Variants in TENM1 observed in about 807,000 individuals in gnomAD.
TENM1 encodes teneurin-1.
In TENM1, 35 loss-of-function variants were observed where a neutral mutation model predicts 174.8. That is an observed-to-expected ratio of 0.20 (90% CI 0.15 to 0.27). The LOEUF (loss-of-function observed/expected upper bound fraction) is 0.27. Ranked by LOEUF, TENM1 falls within the 10% of genes least tolerant of loss-of-function variation. The pLI, the probability that TENM1 is intolerant of heterozygous loss-of-function variation, is 1.00. For missense variants in TENM1, 1,633 were observed against 2,130.1 expected (o/e 0.77, Z 4.59); for synonymous variants, 781 against 798.7 (o/e 0.98, Z 0.37).
intron 1 of TENM1, among the ~76,000 whole-genome samples, chrX:124,959,099 G>GC (rs1463273280): frequency 9.0e-6 from 1 of 111,396 alleles, no homozygotes; most frequent in East Asian, 2.8e-4. Context: ...CTTGGTTGAT[G>GC]CAAGATTCAA....
intron 1 of TENM1, among the ~76,000 whole-genome samples, chrX:124,958,580 C>T (rs1230935326): frequency 9.0e-6 from 1 of 111,373 alleles, no homozygotes; most frequent in African/African-American, 3.3e-5. Flanking sequence ...GCATTCAATA[C>T]TTATCACAAC....
At chrX:125,040,724 A>G in the TENM1 span, among the ~76,000 whole-genome samples, 177 of 110,988 alleles carry the variant, frequency 1.6e-3, no homozygotes, top group African/African-American at 5.5e-3. Context: ...GCACAATAAC[A>G]TTTCTCTTTG....
At chrX:124,904,491 G>C (rs757684892) in intron 1 of TENM1, among the ~76,000 whole-genome samples, 4 of 112,260 alleles carry the variant, frequency 3.6e-5, no homozygotes, top group Non-Finnish European at 5.6e-5. Context: ...AGGTGGTTTA[G>C]CTTAACATAA....
the TENM1 span, among the ~76,000 whole-genome samples, chrX:125,064,538 A>T: frequency 6.4e-4 from 72 of 111,779 alleles, no homozygotes; most frequent in Non-Finnish European, 1.3e-3. Flanking sequence ...AGGGGATAAG[A>T]TGATGTTGAA....
chrX:124,796,825 A>G (rs186304970), intron 3 of TENM1, among the ~76,000 whole-genome samples: 133 of 111,582 alleles, frequency 1.2e-3, no homozygotes, highest in African/African-American at 4.2e-3. Context: ...CCTCTTTATG[A>G]AAAAAAGAGA....
At chrX:125,089,897 T>C in the TENM1 span, among the ~76,000 whole-genome samples, 1 of 111,340 alleles carries the variant, frequency 9.0e-6, no homozygotes, top group Non-Finnish European at 1.9e-5. Context: ...AGGTGCCAGA[T>C]AGAAAATTTA....
rs150798929 is a variant in TENM1, at chrX:124,659,645, T to C, written c.1169-5862A>G. Among the ~76,000 whole-genome samples, 459 of 111,103 alleles carry C rather than the reference T, an allele frequency of 4.1e-3. 3 individuals are homozygous for C. The highest frequency in any genetic ancestry group is 0.026 in the South Asian group (68 of 2,608). On this transcript the variant is annotated intron_variant, in intron 6 of 31. Transcript: ENST00000422452. ...AGACAAGCTGATGCTAAAATTAATA[T>C]GGAAATGCAAGGGACTCAGAATAAC...
the TENM1 span, among the ~76,000 whole-genome samples, chrX:125,094,591 G>A: frequency 8.9e-6 from 1 of 111,998 alleles, no homozygotes; most frequent in Non-Finnish European, 1.9e-5. Flanking sequence ...TCTTGGCCTA[G>A]CAAGAGCAGT....
intron 3 of TENM1, among the ~76,000 whole-genome samples, chrX:124,787,498 T>C (rs2055068319): frequency 9.0e-6 from 1 of 111,284 alleles, no homozygotes; most frequent in Non-Finnish European, 1.9e-5. Context: ...ATGTAGGTGA[T>C]ATCCATTGCT....
At chrX:124,954,792 T>A (rs180774884) in intron 1 of TENM1, among the ~76,000 whole-genome samples, 1 of 111,850 alleles carries the variant, frequency 8.9e-6, no homozygotes, top group African/African-American at 3.3e-5. Context: ...TTGTCATTAA[T>A]GTTCCCACAT....
exon 2 of TENM1, chrX:124,896,184 T>G: frequency 8.3e-7 from 1 of 1,211,359 alleles, no homozygotes; most frequent in Non-Finnish European, 1.1e-6. Flanking sequence ...AGAAACGCTG[T>G]GCATGTCTGT....
At chrX:124,408,984 A>G (rs1393399891) in intron 25 of TENM1, among the ~76,000 whole-genome samples, 1 of 108,738 alleles carries the variant, frequency 9.2e-6, no homozygotes, top group Non-Finnish European at 1.9e-5. Context: ...CCATGTCCCT[A>G]CAAAGGACAT....
chrX:124,886,550 G>T (rs4621950), intron 3 of TENM1, among the ~76,000 whole-genome samples: 3,891 of 81,253 alleles, frequency 0.048, 82 homozygotes, highest in Non-Finnish European at 0.063. Context: ...TATATATATA[G>T]AGAGAGAGAG....
chrX:125,157,749 A>G, the TENM1 span, among the ~76,000 whole-genome samples: 3 of 112,215 alleles, frequency 2.7e-5, no homozygotes, highest in African/African-American at 9.7e-5. Context: ...TTTTATTCAG[A>G]GCTTAATTAG....
chrX:124,929,324 G>A (rs1425457140), intron 1 of TENM1, among the ~76,000 whole-genome samples: 1 of 111,659 alleles, frequency 9.0e-6, no homozygotes, highest in Admixed American at 9.5e-5. Flanking sequence ...AGAGTCTGAG[G>A]GGATTGTTTA....
At chrX:124,427,412 T>C (rs1031074753) in intron 23 of TENM1, among the ~76,000 whole-genome samples, 6 of 112,415 alleles carry the variant, frequency 5.3e-5, no homozygotes, top group African/African-American at 1.9e-4. Context: ...ACCAGCTATT[T>C]TGTCTGTTTG....
At chrX:124,459,911 G>T (rs1364118009) in intron 22 of TENM1, among the ~76,000 whole-genome samples, 1 of 111,679 alleles carries the variant, frequency 9.0e-6, no homozygotes, top group Non-Finnish European at 1.9e-5. Context: ...ATTAATAAGT[G>T]GGCAAAGGAC....
At chrX:124,394,296 C>A (rs2060311333) in intron 27 of TENM1, among the ~76,000 whole-genome samples, 1 of 112,354 alleles carries the variant, frequency 8.9e-6, no homozygotes, top group South Asian at 3.7e-4. Flanking sequence ...GTTTAACTAT[C>A]TGAAAGCTAT....
At chrX:124,555,311 T>C (rs1602655028) in intron 14 of TENM1, among the ~76,000 whole-genome samples, 1 of 111,777 alleles carries the variant, frequency 8.9e-6, no homozygotes, top group African/African-American at 3.3e-5. Flanking sequence ...GAGGCCTCTC[T>C]CACCACCCAG....
Sources: allele counts gnomAD v4.1 joint callset (sites outside exome capture counted in the v4.1 genomes callset), GRCh38; gene constraint gnomAD v4.1.1; transcripts MANE v1.5; gene names NCBI Gene and HGNC (gene_info 2026-07-23, HGNC 2026-07-21).